Variants in KCTD16 observed in about 807,000 individuals in gnomAD.
The protein encoded by KCTD16 is potassium channel tetramerization domain containing 16, also known as BTB/POZ domain-containing protein KCTD16.
In KCTD16, 13 loss-of-function variants were observed where a neutral mutation model predicts 33.2. The observed-to-expected ratio is 0.39, with a 90% CI of 0.25 to 0.62. The LOEUF (loss-of-function observed/expected upper bound fraction) is 0.62, where lower values mean the gene tolerates loss of function less well. Among genes scored for constraint, KCTD16 ranks in the 20% least tolerant of loss-of-function variants. The pLI is 0.50. For synonymous variants in KCTD16, 197 were observed against 195.3 expected (o/e 1.01, Z -0.07); for missense variants, 441 against 525.1 (o/e 0.84, Z 1.57).
chr5:144,482,307 C>G lies in KCTD16; in HGVS notation c.*8193C>G, dbSNP rs1754718976. ...TTGTACTTTATGCCACAAAAATTTT[C>G]AAGGGGGCAATAATGTTGTAGAACA... is the stretch of plus-strand genomic sequence containing the variant. On this transcript the variant is annotated 3_prime_UTR_variant, in exon 4 of 4. Coordinates refer to ENST00000512467, the MANE Select transcript of KCTD16 (RefSeq NM_020768.4). The G allele has an allele frequency of 6.6e-6, 1 of 151,790 alleles. No individual in the cohort carries two copies. The highest frequency in any genetic ancestry group is 6.6e-5 in the Admixed American group (1 of 15,212). The allele number at this position is 151,790 out of a possible 1,614,324, so 9.4% of individuals were successfully genotyped here.
At chr5:144,176,426 C>T (rs1399597882) in intron 2 of KCTD16, among the ~76,000 whole-genome samples, 3 of 127,044 alleles carry the variant, frequency 2.4e-5, no homozygotes, top group Non-Finnish European at 3.2e-5. Flanking sequence ...GACGGAGTCT[C>T]GCTCTGTCGC....
At chr5:144,338,764 G>A (rs1222738791) in intron 3 of KCTD16, among the ~76,000 whole-genome samples, 1 of 152,116 alleles carries the variant, frequency 6.6e-6, no homozygotes, top group African/African-American at 2.4e-5. Context: ...CTGAGGGATA[G>A]GAGTGATGGA....
intron 3 of KCTD16, among the ~76,000 whole-genome samples, chr5:144,414,203 T>C (rs1033159703): frequency 4.6e-5 from 7 of 152,208 alleles, no homozygotes; most frequent in African/African-American, 1.7e-4. Flanking sequence ...ATTTCTTCAA[T>C]ATTCCCCTTG....
chr5:144,469,336 C>T lies in KCTD16; in HGVS notation c.833-4324C>T, dbSNP rs140867723. On this transcript the variant is annotated intron_variant, in intron 3 of 3. Transcript: ENST00000512467. ...CTCACCATTCCTGTGCTGAGGCAGA[C>T]ATTACTAACTACTGAATACACATTT... 1.2e-3 allele frequency among the ~76,000 whole-genome samples: 180 copies of T among 152,290 alleles called. 1 individual carries two copies. Among genetic ancestry groups the T allele is most frequent in the African/African-American group, 4.0e-3 (168 of 41,572 alleles).
intron 3 of KCTD16, among the ~76,000 whole-genome samples, chr5:144,283,159 A>G (rs893231648): frequency 6.6e-6 from 1 of 152,070 alleles, no homozygotes; most frequent in Non-Finnish European, 1.5e-5. Flanking sequence ...TTAACTCGTC[A>G]TTTACATTAG....
At chr5:144,233,407 A>G (rs936781532) in intron 3 of KCTD16, among the ~76,000 whole-genome samples, 3 of 152,102 alleles carry the variant, frequency 2.0e-5, no homozygotes, top group Non-Finnish European at 4.4e-5. Context: ...CTCTGTTTCC[A>G]TCTGATTTTT....
chr5:144,251,809 A>G (rs1341777081), intron 3 of KCTD16, among the ~76,000 whole-genome samples: 2 of 152,176 alleles, frequency 1.3e-5, no homozygotes, highest in Non-Finnish European at 2.9e-5. Flanking sequence ...TCTATTCTTG[A>G]AAAGTTAGGT....
rs77880029 is a variant in KCTD16, at chr5:144,479,829, A to T, written c.*5715A>T. The T allele has an allele frequency of 6.6e-6, 1 of 151,922 alleles. No individual in the cohort carries two copies. Among genetic ancestry groups the T allele is most frequent in the South Asian group, 2.1e-4 (1 of 4,820 alleles). The allele number at this position is 151,922 out of a possible 1,614,324, so 9.4% of individuals were successfully genotyped here. The stretch of plus-strand genomic sequence containing the variant: ...ATTTAGGAAATTTACTTTTAAAAGG[A>T]TAAAGAAAAATGTGCCTGGCCTAGC... On this transcript the variant is annotated 3_prime_UTR_variant, in exon 4 of 4. Coordinates refer to ENST00000512467, the MANE Select transcript of KCTD16 (RefSeq NM_020768.4).
At chr5:144,188,158 G>A (rs1253632379) in intron 2 of KCTD16, among the ~76,000 whole-genome samples, 1 of 152,140 alleles carries the variant, frequency 6.6e-6, no homozygotes, top group Admixed American at 6.5e-5. Flanking sequence ...AAATGTTTTG[G>A]TTGGTAATTA....
chr5:144,186,010 G>C (rs1054717540), intron 2 of KCTD16, among the ~76,000 whole-genome samples: 2 of 152,114 alleles, frequency 1.3e-5, no homozygotes, highest in East Asian at 1.9e-4. Context: ...AGGTGACCCA[G>C]TTGATGAAGT....
intron 3 of KCTD16, among the ~76,000 whole-genome samples, chr5:144,473,392 TG>T (rs1754521887): frequency 1.3e-5 from 2 of 152,168 alleles, no homozygotes; most frequent in Non-Finnish European, 2.9e-5. Flanking sequence ...TGATGTTAGC[TG>T]GGTATTTCTG....
intron 3 of KCTD16, among the ~76,000 whole-genome samples, chr5:144,461,254 G>A (rs1754187715): frequency 2.0e-5 from 3 of 152,174 alleles, no homozygotes; most frequent in Admixed American, 2.0e-4. Context: ...GGAAAAGACT[G>A]ATGGACTTGG....
At chr5:144,397,235 C>G (rs2126943123) in intron 3 of KCTD16, among the ~76,000 whole-genome samples, 1 of 152,040 alleles carries the variant, frequency 6.6e-6, no homozygotes, top group East Asian at 1.9e-4. Context: ...CATCCATGTC[C>G]CTACAAAGGA....
In KCTD16 at chr5:144,325,470, T is replaced by C. The variant is rs773726742; in HGVS notation, c.832+117924T>C. Among the ~76,000 whole-genome samples the C allele has an allele frequency of 1.8e-4, 28 of 152,162 alleles. No homozygotes were observed. The Middle Eastern group carries it at 0.01, about 55-fold the overall frequency. On this transcript the variant is annotated intron_variant, in intron 3 of 3. Transcript: ENST00000512467. Reference sequence around the variant, plus strand: ...TCTGCTTCCACCTCCTGATGAACCCTCTCCTCCTTCCTCACTTGCCCTCTC... The same window carrying C: ...TCTGCTTCCACCTCCTGATGAACCCCCTCCTCCTTCCTCACTTGCCCTCTC...
In KCTD16 at chr5:144,476,650, T is replaced by C. The variant is rs1212881375; in HGVS notation, c.*2536T>C. 6.6e-6 allele frequency: 1 copy of C among 152,092 alleles called. No homozygotes were observed. The highest frequency in any genetic ancestry group is 2.4e-5 in the African/African-American group (1 of 41,394). 9.4% of individuals were successfully genotyped at this position (152,092 alleles called of 1,614,324 possible). A position where few individuals can be genotyped will look rare whatever the true frequency, so the allele number is the denominator to read the frequency against. ...ACAGCATGGCATTTATTTGTGTGAGTGTTTATATAGAAATGAACATAGACC... is the reference window on the plus strand; with the variant it reads ...ACAGCATGGCATTTATTTGTGTGAGCGTTTATATAGAAATGAACATAGACC... On this transcript the variant is annotated 3_prime_UTR_variant, in exon 4 of 4. Coordinates refer to ENST00000512467, the MANE Select transcript of KCTD16 (RefSeq NM_020768.4).
intron 3 of KCTD16, among the ~76,000 whole-genome samples, chr5:144,333,694 G>T (rs918466055): frequency 6.6e-6 from 1 of 152,268 alleles, no homozygotes; most frequent in Non-Finnish European, 1.5e-5. Context: ...CAGCATTCTT[G>T]TCTGGGCATG....
At chr5:144,232,036 G>A (rs898114688) in intron 3 of KCTD16, among the ~76,000 whole-genome samples, 2 of 152,166 alleles carry the variant, frequency 1.3e-5, no homozygotes, top group African/African-American at 2.4e-5. Flanking sequence ...ACTGTGAATC[G>A]ATAAGGCCCC....
chr5:144,379,967 A>C lies in KCTD16; in HGVS notation c.833-93693A>C, dbSNP rs560874422. Among the ~76,000 whole-genome samples the C allele has an allele frequency of 4.0e-4, 61 of 152,230 alleles. No homozygotes were observed. In the Middle Eastern group the frequency reaches 0.014, roughly 34 times the overall value. ...AATTTTTTTCATTTTCCTTACATAC[A>C]TACTCTGGTATAGACGGCAGTATGC... On this transcript the variant is annotated intron_variant, in intron 3 of 3. Coordinates refer to ENST00000512467, the MANE Select transcript of KCTD16 (RefSeq NM_020768.4).
intron 3 of KCTD16, among the ~76,000 whole-genome samples, chr5:144,293,004 T>G (rs1373483024): frequency 6.6e-6 from 1 of 152,212 alleles, no homozygotes; most frequent in African/African-American, 2.4e-5. Context: ...AGAGACTTGG[T>G]GACACTGAAG....
Sources: allele counts gnomAD v4.1 joint callset (sites outside exome capture counted in the v4.1 genomes callset), GRCh38; gene constraint gnomAD v4.1.1; transcripts MANE v1.5; gene names NCBI Gene and HGNC (gene_info 2026-07-23, HGNC 2026-07-21).